Variants in DLAT observed in about 807,000 individuals in gnomAD.
The protein encoded by DLAT is dihydrolipoamide S-acetyltransferase.
DLAT carries 43 observed loss-of-function variants against 68.0 expected under a neutral mutation model. The observed-to-expected ratio is 0.63, with a 90% confidence interval of 0.50 to 0.81. The LOEUF (loss-of-function observed/expected upper bound fraction) is 0.81. Ranked by LOEUF, DLAT falls within the 40% of genes least tolerant of loss-of-function variation. The probability of loss-of-function intolerance (pLI) is 0.00; values close to 1 mark genes in which losing one functional copy is unlikely to be tolerated. For synonymous variants in DLAT, 265 were observed against 288.6 expected, an observed-to-expected ratio of 0.92 and a Z score of 0.83; for missense variants, 745 against 815.4, an observed-to-expected ratio of 0.91 and a Z score of 1.05.
intron 7 of DLAT, among the ~76,000 whole-genome samples, chr11:112,042,283 G>T (rs188941036): frequency 3.3e-5 from 5 of 152,332 alleles, no homozygotes; most frequent in African/African-American, 1.2e-4. Flanking sequence ...GGAAATTCTT[G>T]TGGGTGGCTG....
intron 4 of DLAT, among the ~76,000 whole-genome samples, chr11:112,031,619 G>C (rs1251402445): frequency 1.3e-5 from 2 of 151,998 alleles, no homozygotes; most frequent in Non-Finnish European, 2.9e-5. Flanking sequence ...TCTTCACCTA[G>C]GCTGGAGTGC....
intron 7 of DLAT, among the ~76,000 whole-genome samples, chr11:112,041,899 G>C (rs1480488242): frequency 6.6e-6 from 1 of 151,782 alleles, no homozygotes; most frequent in African/African-American, 2.4e-5. Context: ...AAAAAAAAAG[G>C]CCAGTGTTAA....
At position 112,062,973 on chromosome 11, in the gene DLAT, G is replaced by A; in HGVS notation, c.*438G>A. 1 of 166,454 alleles carries A rather than the reference G, an allele frequency of 6.0e-6. No individual in the cohort carries two copies. The highest frequency in any genetic ancestry group is 1.5e-4 in the South Asian group (1 of 6,650). 10.3% of individuals were successfully genotyped at this position (166,454 alleles called of 1,614,324 possible). ...AATCAGAAAAATTAATTCTCTTGGG[G>A]GAAGGGCTTGAATTGAAGCTTTACT... On this transcript the variant is annotated 3_prime_UTR_variant, in exon 14 of 14. Transcript: ENST00000280346.
intron 11 of DLAT, among the ~76,000 whole-genome samples, chr11:112,052,273 T>G (rs782770157): frequency 1.7e-4 from 26 of 152,086 alleles, no homozygotes; most frequent in Non-Finnish European, 2.6e-4. Flanking sequence ...CTGCAGTGAT[T>G]TCCTCTAATT....
intron 11 of DLAT, among the ~76,000 whole-genome samples, chr11:112,058,571 A>C (rs1364340874): frequency 2.4e-5 from 3 of 123,618 alleles, no homozygotes; most frequent in Admixed American, 1.0e-4. Flanking sequence ...CCACGGATAA[A>C]ATCCATGAAT....
rs782315765 is a variant in DLAT at position 112,025,665 on chromosome 11, T to C, written c.193T>C (p.Ser65Pro). 3.7e-6 allele frequency: 6 copies of C among 1,613,146 alleles called. No homozygotes were observed. The South Asian group carries it at 4.4e-5, about 12-fold the overall frequency. Residue 65 changes from serine to proline, a missense_variant, in exon 1 of 14, where the codon TCT (serine) becomes CCT (proline). Transcript: ENST00000280346. ...GGCACTGTGCGGCTGGACCCCCAGT[T>C]CTGGGGCCACGCCGCGGAACCGCTT... ...VRALCGWTPS[S>P]GATPRNRLLL... is the part of the protein sequence containing the mutation.
intron 12 of DLAT, 72 bp downstream of exon 12, chr11:112,060,137 A>G: frequency 8.0e-7 from 1 of 1,253,310 alleles, no homozygotes. Context: ...TGCATTTTTC[A>G]CCTTTTGATT....
At chr11:112,025,898 A>G (rs1315321453) in intron 1 of DLAT, 147 bp downstream of exon 1, 57 of 1,052,532 alleles carry the variant, frequency 5.4e-5, no homozygotes, top group Non-Finnish European at 7.8e-5. Context: ...GCTTTGCTGT[A>G]GCTCCTTAGT....
chr11:112,026,884 G>A (rs1862052876), intron 2 of DLAT, among the ~76,000 whole-genome samples: 1 of 152,030 alleles, frequency 6.6e-6, no homozygotes, highest in African/African-American at 2.4e-5. Flanking sequence ...CTTCCCAGTA[G>A]GGGCGGCTGG....
At chr11:112,026,332 T>C in intron 2 of DLAT, 33 bp downstream of exon 2, 2 of 1,164,938 alleles carry the variant, frequency 1.7e-6, no homozygotes, top group Non-Finnish European at 2.3e-6. Flanking sequence ...AATTAATTTA[T>C]TTATTTTTTT....
At chr11:112,042,357 T>C in intron 7 of DLAT, among the ~76,000 whole-genome samples, 1 of 152,218 alleles carries the variant, frequency 6.6e-6, no homozygotes, top group East Asian at 1.9e-4. Flanking sequence ...GGTGTCTAGA[T>C]CAGCCTTGGT....
intron 13 of DLAT, among the ~76,000 whole-genome samples, chr11:112,062,109 A>G (rs1415599669): frequency 6.6e-6 from 1 of 152,166 alleles, no homozygotes; most frequent in Admixed American, 6.5e-5. Context: ...TGCTGTTGCA[A>G]ATAATCTGCC....
chr11:112,041,820 T>C (rs1555181022), intron 7 of DLAT, among the ~76,000 whole-genome samples: 1 of 151,694 alleles, frequency 6.6e-6, no homozygotes, highest in African/African-American at 2.4e-5. Flanking sequence ...AGGCCAAACT[T>C]GCAGTGAGCC....
intron 10 of DLAT, among the ~76,000 whole-genome samples, chr11:112,049,893 G>C (rs587768493): frequency 6.6e-6 from 1 of 152,084 alleles, no homozygotes; most frequent in African/African-American, 2.4e-5. Context: ...TTCCTTTCTT[G>C]CCTAATTGCT....
At chr11:112,053,677 A>G (rs1351767910) in intron 11 of DLAT, among the ~76,000 whole-genome samples, 1 of 150,984 alleles carries the variant, frequency 6.6e-6, no homozygotes, top group East Asian at 2.0e-4. Context: ...CTGGTCTTGA[A>G]CTCTTGACCT....
chr11:112,032,540 G>A (rs1264992962), intron 4 of DLAT: 1 of 151,894 alleles, frequency 6.6e-6, no homozygotes, highest in Non-Finnish European at 1.5e-5. Flanking sequence ...CCTTGCGCAG[G>A]GGCCATGCTA....
At chr11:112,040,422 A>C (rs1862991175) in intron 7 of DLAT, among the ~76,000 whole-genome samples, 1 of 152,092 alleles carries the variant, frequency 6.6e-6, no homozygotes, top group Non-Finnish European at 1.5e-5. Flanking sequence ...TTGCAGTGTA[A>C]CTCTAGATTT....
Position 112,037,154 on chromosome 11 carries a change from C to CA in DLAT, c.788-113dup, listed in dbSNP as rs368713872. On this transcript the variant is annotated intron_variant, in intron 5 of 13. Coordinates refer to ENST00000280346, the MANE Select transcript of DLAT (RefSeq NM_001931.5). Reference sequence around the variant, plus strand: ...AAGACACAGAAGGTTAAATAGGTTGCAAAAAAGGCTATATAGCTAGCTTGA... The same window carrying CA: ...AAGACACAGAAGGTTAAATAGGTTGCAAAAAAAGGCTATATAGCTAGCTTGA... 41 of 925,814 alleles carry CA rather than the reference C, an allele frequency of 4.4e-5. No homozygotes were observed. In the African/African-American group the frequency reaches 6.0e-4, roughly 13 times the overall value. The allele number at this position is 925,814 out of a possible 1,614,324, so 57.3% of individuals were successfully genotyped here. A position where few individuals can be genotyped will look rare whatever the true frequency, so the allele number is the denominator to read the frequency against.
intron 5 of DLAT, among the ~76,000 whole-genome samples, chr11:112,035,081 G>C (rs1862630719): frequency 6.6e-6 from 1 of 151,998 alleles, no homozygotes; most frequent in Admixed American, 6.6e-5. Context: ...CAGCCTCTCT[G>C]CTTCATAATC....
Sources: gnomAD v4.1 joint callset for allele counts (sites outside exome capture counted in the v4.1 genomes callset) on GRCh38, gnomAD v4.1.1 for gene constraint, MANE v1.5 for transcripts, NCBI Gene and HGNC (gene_info 2026-07-23, HGNC 2026-07-21) for gene names.